The following TMEM229B variants were observed in gnomAD, a reference collection of about 807,000 sequenced individuals.
The protein encoded by TMEM229B is transmembrane protein 229B, also known as chromosome 14 open reading frame 83.
A neutral mutation model predicts 13.7 loss-of-function variants in TMEM229B; 6 were observed. That is an observed-to-expected ratio of 0.44 (90% CI 0.24 to 0.86). TMEM229B has a LOEUF of 0.86. Among genes scored for constraint, TMEM229B ranks in the 40% least tolerant of loss-of-function variants. The pLI is 0.23. For synonymous variants in TMEM229B, 107 were observed against 102.1 expected (o/e 1.05, Z -0.29); for missense variants, 170 against 236.0 (o/e 0.72, Z 1.83).
chr14:67,496,951 C>G (rs755373788), intron 1 of TMEM229B, among the ~76,000 whole-genome samples: 32 of 152,030 alleles, frequency 2.1e-4, no homozygotes, highest in Admixed American at 4.6e-4. Context: ...GTGCCCGCCA[C>G]CACACCTGGC....
At chr14:67,498,950 GGAGCCACT>G (rs1345055136) in intron 1 of TMEM229B, among the ~76,000 whole-genome samples, 2 of 151,308 alleles carry the variant, frequency 1.3e-5, no homozygotes, top group Admixed American at 1.3e-4. Context: ...ATTACAGGCA[GGAGCCACT>G]GAGCCCAGAC....
chr14:67,528,486 C>A (rs1204440602), intron 1 of TMEM229B, among the ~76,000 whole-genome samples: 2 of 152,160 alleles, frequency 1.3e-5, no homozygotes, highest in Non-Finnish European at 2.9e-5. Flanking sequence ...ATGTGAGCAG[C>A]CATTGTTCTC....
In TMEM229B at chr14:67,473,410, C is replaced by A; in HGVS notation, c.*10G>T. On this transcript the variant is annotated 3_prime_UTR_variant, in exon 3 of 3. Transcript: ENST00000554480. The surrounding 1 kb of genome is among the most constrained non-coding windows in gnomAD (Gnocchi z 6.5). ...ATGAGAGATCCCCAGGCCCCCCACC[C>A]GCTTCCTGCTCAGTCAGTCTTGACA... 6.2e-7 allele frequency: 1 copy of A among 1,611,304 alleles called. No homozygotes were observed. Among genetic ancestry groups the A allele is most frequent in the Non-Finnish European group, 8.5e-7 (1 of 1,178,366 alleles).
intron 1 of TMEM229B, among the ~76,000 whole-genome samples, chr14:67,498,250 C>T (rs184958206): frequency 6.6e-6 from 1 of 152,288 alleles, no homozygotes; most frequent in East Asian, 1.9e-4. Flanking sequence ...ACCTGGTTTG[C>T]CAAGACGTTC....
intron 1 of TMEM229B, among the ~76,000 whole-genome samples, chr14:67,504,489 G>C (rs2032745285): frequency 6.6e-6 from 1 of 151,940 alleles, no homozygotes; most frequent in Admixed American, 6.6e-5. Context: ...TATATGTACT[G>C]TAGCCTTGTT....
chr14:67,516,729 T>C (rs1207514063), upstream of TMEM229B, among the ~76,000 whole-genome samples: 3 of 152,166 alleles, frequency 2.0e-5, no homozygotes, highest in African/African-American at 7.2e-5. Flanking sequence ...GAGTAGGAAA[T>C]ATGGACAAGG....
rs71129827 is a variant in TMEM229B at position 67,502,456 on chromosome 14, C to CTT, written c.-192+12628_-192+12629dup. 2.2e-3 allele frequency among the ~76,000 whole-genome samples: 308 copies of CTT among 137,626 alleles called. 3 individuals carry two copies. The highest frequency in any genetic ancestry group is 5.1e-3 in the African/African-American group (191 of 37,364). 90.3% of individuals were successfully genotyped at this position (137,626 alleles called of 152,430 possible). A position where few individuals can be genotyped will look rare whatever the true frequency, so the allele number is the denominator to read the frequency against. On this transcript the variant is annotated intron_variant, in intron 1 of 2. Transcript: ENST00000357461. ...CTGGTGATCACCCAGAAGGTGATTT[C>CTT]TTTTTTTTTTTTTTGAGACTGAGTT...
intron 1 of TMEM229B, chr14:67,533,280 G>C (rs1179293159): frequency 1.3e-5 from 2 of 152,106 alleles, no homozygotes; most frequent in South Asian, 4.1e-4. Flanking sequence ...CTGCCGGGGA[G>C]GGGAGAACCG....
At chr14:67,500,634 C>T (rs537428491) in intron 1 of TMEM229B, among the ~76,000 whole-genome samples, 9 of 148,486 alleles carry the variant, frequency 6.1e-5, no homozygotes, top group African/African-American at 1.2e-4. Context: ...TGCAGTGGCG[C>T]GATCTCGGCT....
At position 67,511,993 on chromosome 14, in the gene TMEM229B, A is replaced by G. The variant is rs910037937; in HGVS notation, c.-192+3093T>C. Among the ~76,000 whole-genome samples the G allele has an allele frequency of 4.6e-5, 7 of 152,250 alleles. 1 individual carries two copies. The highest frequency in any genetic ancestry group is 4.4e-5 in the Non-Finnish European group (3 of 68,044). On this transcript the variant is annotated intron_variant, in intron 1 of 2. Transcript: ENST00000357461. ...AGCAGCATGGGGCATCCCACAGCTC[A>G]AAGTCTGAGGCAAATATACGTCTTG...
At chr14:67,523,445 T>C (rs1298559620) in intron 1 of TMEM229B, among the ~76,000 whole-genome samples, 5 of 152,226 alleles carry the variant, frequency 3.3e-5, no homozygotes, top group Non-Finnish European at 5.9e-5. Context: ...TGCACTGTGC[T>C]AAGGATTATA....
At chr14:67,504,150 A>T (rs764856229) in intron 1 of TMEM229B, among the ~76,000 whole-genome samples, 2 of 152,018 alleles carry the variant, frequency 1.3e-5, no homozygotes, top group Non-Finnish European at 2.9e-5. Flanking sequence ...AGTAGCTGGG[A>T]TTACAGGCGC....
At chr14:67,522,116 T>C (rs1485300514) in intron 1 of TMEM229B, among the ~76,000 whole-genome samples, 1 of 152,140 alleles carries the variant, frequency 6.6e-6, no homozygotes, top group Non-Finnish European at 1.5e-5. Context: ...GAGGTTGCAG[T>C]GAGCTGAGAT....
At chr14:67,521,912 C>A (rs1487814738) in intron 1 of TMEM229B, among the ~76,000 whole-genome samples, 2 of 152,180 alleles carry the variant, frequency 1.3e-5, no homozygotes, top group African/African-American at 2.4e-5. Flanking sequence ...CACGGTGGCT[C>A]ATGTTTGTAA....
intron 1 of TMEM229B, among the ~76,000 whole-genome samples, chr14:67,504,229 G>T (rs2032731069): frequency 6.6e-6 from 1 of 150,938 alleles, no homozygotes; most frequent in Non-Finnish European, 1.5e-5. Context: ...GGCCAGGTTG[G>T]TCTCGGACTT....
intron 2 of TMEM229B, among the ~76,000 whole-genome samples, chr14:67,478,486 T>C (rs979254549): frequency 6.6e-6 from 1 of 152,244 alleles, no homozygotes; most frequent in African/African-American, 2.4e-5. Flanking sequence ...TTCCTTCTAA[T>C]TCACTCATCA....
intron 1 of TMEM229B, among the ~76,000 whole-genome samples, chr14:67,528,728 G>A (rs188522487): frequency 1.2e-4 from 18 of 152,044 alleles, no homozygotes; most frequent in East Asian, 7.8e-4. Context: ...CAGCTGCAGC[G>A]GACAGAGCAT....
chr14:67,511,506 C>A (rs2033024955), intron 1 of TMEM229B, among the ~76,000 whole-genome samples: 1 of 151,964 alleles, frequency 6.6e-6, no homozygotes, highest in Non-Finnish European at 1.5e-5. Context: ...GCCGAGAATC[C>A]CGAAAAAAAT....
upstream of TMEM229B, among the ~76,000 whole-genome samples, chr14:67,489,020 C>T (rs559375789): frequency 2.0e-5 from 3 of 151,994 alleles, no homozygotes; most frequent in South Asian, 4.2e-4. Flanking sequence ...AGAGTAGATC[C>T]CAGGGGACAG....
Sources: allele counts gnomAD v4.1 joint callset (sites outside exome capture counted in the v4.1 genomes callset), GRCh38; gene constraint gnomAD v4.1.1; non-coding constraint Gnocchi (gnomAD v3.1); transcripts MANE v1.5; gene names NCBI Gene and HGNC (gene_info 2026-07-23, HGNC 2026-07-21).